Variants in ADAMTSL3 observed in about 807,000 individuals in gnomAD.
ADAMTSL3 encodes ADAMTS like 3.
Under a neutral mutation model 201.7 loss-of-function variants are expected in ADAMTSL3, and 128 were observed. The observed-to-expected ratio is 0.63, with a 90% CI of 0.55 to 0.73. ADAMTSL3 has a LOEUF of 0.73. ADAMTSL3 is among the 30% of genes least tolerant of loss of function. The pLI is 0.00. For synonymous variants in ADAMTSL3, 738 were observed against 748.4 expected, an observed-to-expected ratio of 0.99 and a Z score of 0.23; for missense variants, 1,990 against 2,119.6, an observed-to-expected ratio of 0.94 and a Z score of 1.20.
chr15:83,882,894 A>T (rs948345654), intron 9 of ADAMTSL3, among the ~76,000 whole-genome samples: 62 of 152,064 alleles, frequency 4.1e-4, no homozygotes, highest in Non-Finnish European at 7.4e-4. Flanking sequence ...CTAGAACTCA[A>T]TGAGCATTTT....
At chr15:83,914,519 G>A (rs967666520) in intron 16 of ADAMTSL3, among the ~76,000 whole-genome samples, 1 of 152,208 alleles carries the variant, frequency 6.6e-6, no homozygotes, top group African/African-American at 2.4e-5. Context: ...AAAGTGGCAT[G>A]TGCCTTACCC....
chr15:84,014,573 G>T lies in ADAMTSL3; in HGVS notation c.4005G>T (p.Lys1335Asn). The part of the protein sequence containing the change: ...GVPQPNITWL[K>N]RGGSLSGNVS... The stretch of plus-strand genomic sequence containing the variant: ...CTCAGCCTAATATAACTTGGTTGAA[G>T]AGAGGAGGATCTCTGAGTGGCAATG... Residue 1335 changes from lysine to asparagine, a missense_variant, in exon 24 of 30, where the codon AAG becomes AAT. Physicochemically the swap from Lys to Asn is moderately conservative, Grantham distance 94. Coordinates refer to ENST00000286744, the MANE Select transcript of ADAMTSL3 (RefSeq NM_207517.3). The T allele has an allele frequency of 6.2e-7, 1 of 1,614,140 alleles. No homozygotes were observed. Among genetic ancestry groups the T allele is most frequent in the Non-Finnish European group, 8.5e-7 (1 of 1,179,996 alleles).
chr15:83,683,618 A>G (rs2061502141), intron 2 of ADAMTSL3, among the ~76,000 whole-genome samples: 1 of 152,188 alleles, frequency 6.6e-6, no homozygotes, highest in African/African-American at 2.4e-5. Flanking sequence ...TCTGTCTGGA[A>G]GAAGTCCACG....
intron 2 of ADAMTSL3, among the ~76,000 whole-genome samples, chr15:83,688,707 T>C (rs1172366313): frequency 1.3e-5 from 2 of 150,348 alleles, no homozygotes; most frequent in African/African-American, 2.5e-5. Flanking sequence ...CACTTTCTCA[T>C]TGATACAAAA....
At chr15:83,752,873 C>T (rs773488101) in intron 3 of ADAMTSL3, among the ~76,000 whole-genome samples, 4 of 152,162 alleles carry the variant, frequency 2.6e-5, no homozygotes, top group African/African-American at 4.8e-5. Context: ...CTCATATGCT[C>T]GCCTTTAGGT....
chr15:84,014,775 A>G lies in ADAMTSL3; in HGVS notation c.4156+51A>G, dbSNP rs73443196. ...TTAAGTGCCTCCTGTAATATGCACA[A>G]AGTAGGCCCCAGTTTTGTTGATTTT... is the stretch of plus-strand genomic sequence containing the variant. On this transcript the variant is annotated intron_variant, in intron 24 of 29. Coordinates refer to ENST00000286744, the MANE Select transcript of ADAMTSL3 (RefSeq NM_207517.3). 8.5e-3 allele frequency: 12,925 copies of G among 1,518,104 alleles called. 908 individuals are homozygous for G. The African/African-American group carries it at 0.16, about 18-fold the overall frequency. The allele number at this position is 1,518,104 out of a possible 1,614,324, so 94.0% of individuals were successfully genotyped here.
Position 84,014,570 on chromosome 15 carries a change from G to A in ADAMTSL3, c.4002G>A (p.Leu1334=), listed in dbSNP as rs2068056582. The A allele has an allele frequency of 1.2e-6, 2 of 1,614,098 alleles. No individual in the cohort carries two copies. Among genetic ancestry groups the A allele is most frequent in the Non-Finnish European group, 1.7e-6 (2 of 1,179,986 alleles). Reference sequence around the variant, plus strand: ...TCCCTCAGCCTAATATAACTTGGTTGAAGAGAGGAGGATCTCTGAGTGGCA... The same window carrying A: ...TCCCTCAGCCTAATATAACTTGGTTAAAGAGAGGAGGATCTCTGAGTGGCA... ...KGVPQPNITW[L]KRGGSLSGNV... is the part of the protein sequence containing the mutation. Residue 1334 remains leucine (L), a synonymous_variant, in exon 24 of 30, where the codon TTG becomes TTA. Coordinates refer to ENST00000286744, the MANE Select transcript of ADAMTSL3 (RefSeq NM_207517.3).
chr15:83,677,130 A>G (rs1169925675), intron 2 of ADAMTSL3, among the ~76,000 whole-genome samples: 1 of 152,194 alleles, frequency 6.6e-6, no homozygotes, highest in Non-Finnish European at 1.5e-5. Flanking sequence ...TTGTGGTCAA[A>G]TAATAGACTC....
intron 2 of ADAMTSL3, among the ~76,000 whole-genome samples, chr15:83,666,854 AAAAAG>A (rs1488899704): frequency 6.6e-6 from 1 of 151,942 alleles, no homozygotes; most frequent in Non-Finnish European, 1.5e-5. Flanking sequence ...AGAAAAAAAA[AAAAAG>A]AAAAGAAATA....
chr15:84,011,777 C>G (rs1268925012), intron 23 of ADAMTSL3, among the ~76,000 whole-genome samples: 1 of 152,246 alleles, frequency 6.6e-6, no homozygotes, highest in East Asian at 1.9e-4. Context: ...TATGCAGATG[C>G]TTATAGCTTT....
intron 2 of ADAMTSL3, among the ~76,000 whole-genome samples, chr15:83,703,462 T>G (rs2061803333): frequency 6.6e-6 from 1 of 152,114 alleles, no homozygotes; most frequent in Non-Finnish European, 1.5e-5. Flanking sequence ...ATAATTCCCA[T>G]GTGTTGTGGG....
chr15:83,701,663 C>G (rs542324532), intron 2 of ADAMTSL3, among the ~76,000 whole-genome samples: 71 of 152,292 alleles, frequency 4.7e-4, no homozygotes, highest in Middle Eastern at 3.4e-3. Flanking sequence ...CACTTTGCAT[C>G]CCTTCATTTT....
At chr15:83,995,426 T>C (rs371732527) in intron 23 of ADAMTSL3, among the ~76,000 whole-genome samples, 1 of 152,196 alleles carries the variant, frequency 6.6e-6, no homozygotes, top group East Asian at 1.9e-4. Context: ...GTAAGCATCA[T>C]ACTCACTTTA....
intron 3 of ADAMTSL3, among the ~76,000 whole-genome samples, chr15:83,769,869 G>A (rs2062951607): frequency 6.7e-6 from 1 of 150,212 alleles, no homozygotes; most frequent in African/African-American, 2.5e-5. Context: ...GTCACATGCT[G>A]CAGTTTATTA....
At chr15:83,714,801 T>TTCTTTCTTTCTTTTTCTTTC (rs2061984296) in intron 3 of ADAMTSL3, among the ~76,000 whole-genome samples, 1 of 146,024 alleles carries the variant, frequency 6.8e-6, no homozygotes, top group Non-Finnish European at 1.5e-5. Flanking sequence ...TTCTCTCTCT[T>TTCTTTCTTTCTTTTTCTTTC]TCTTTCTTCT....
At chr15:83,858,265 T>C (rs2064782948) in intron 7 of ADAMTSL3, among the ~76,000 whole-genome samples, 1 of 152,232 alleles carries the variant, frequency 6.6e-6, no homozygotes, top group Non-Finnish European at 1.5e-5. Context: ...GTAATTGAGG[T>C]AGGCAGTGCA....
intron 5 of ADAMTSL3, among the ~76,000 whole-genome samples, chr15:83,814,890 T>C (rs2063749638): frequency 6.6e-6 from 1 of 152,200 alleles, no homozygotes; most frequent in African/African-American, 2.4e-5. Context: ...TGCATAAAAG[T>C]ACTCAGTTTA....
chr15:83,671,992 A>G (rs961484818), intron 2 of ADAMTSL3, among the ~76,000 whole-genome samples: 4 of 152,230 alleles, frequency 2.6e-5, no homozygotes, highest in Admixed American at 1.3e-4. Flanking sequence ...TTGTGCAACA[A>G]GCATTTCTCT....
intron 6 of ADAMTSL3, among the ~76,000 whole-genome samples, chr15:83,831,031 C>A (rs1427550129): frequency 2.0e-5 from 3 of 152,144 alleles, no homozygotes; most frequent in African/African-American, 4.8e-5. Flanking sequence ...TTGGGCTAAT[C>A]AAAAGAGTTG....
Sources: gnomAD v4.1 joint callset for allele counts (sites outside exome capture counted in the v4.1 genomes callset) on GRCh38, gnomAD v4.1.1 for gene constraint, MANE v1.5 for transcripts, NCBI Gene and HGNC (gene_info 2026-07-23, HGNC 2026-07-21) for gene names.